Variants in ENTREP2 observed in about 807,000 individuals in gnomAD.
The protein encoded by ENTREP2 is protein ENTREP2.
the ENTREP2 span, among the ~76,000 whole-genome samples, chr15:29,279,366 T>G: frequency 6.7e-6 from 1 of 150,156 alleles, no homozygotes; most frequent in African/African-American, 2.5e-5. Context: ...AAAATTTAGT[T>G]GGGATTTTTT....
chr15:29,444,647 A>G, the ENTREP2 span, among the ~76,000 whole-genome samples: 1 of 151,962 alleles, frequency 6.6e-6, no homozygotes, highest in Non-Finnish European at 1.5e-5. Flanking sequence ...TTGTATTTTT[A>G]GTAGAGACGG....
the ENTREP2 span, among the ~76,000 whole-genome samples, chr15:29,144,045 T>C: frequency 6.6e-6 from 1 of 151,940 alleles, no homozygotes; most frequent in Non-Finnish European, 1.5e-5. Flanking sequence ...CTGGCCATGG[T>C]GTGGGAGGAG....
the ENTREP2 span, among the ~76,000 whole-genome samples, chr15:29,378,969 AGAGT>A: frequency 6.6e-6 from 1 of 152,244 alleles, no homozygotes; most frequent in Non-Finnish European, 1.5e-5. Flanking sequence ...CATGATTCAG[AGAGT>A]GAGTTTTTGC....
the ENTREP2 span, among the ~76,000 whole-genome samples, chr15:29,510,189 C>T: frequency 2.0e-5 from 3 of 152,154 alleles, no homozygotes; most frequent in Admixed American, 6.6e-5. Flanking sequence ...CAAATAAGAA[C>T]CACGATGAGA....
the ENTREP2 span, among the ~76,000 whole-genome samples, chr15:29,578,860 T>G: frequency 6.6e-6 from 1 of 152,168 alleles, no homozygotes; most frequent in African/African-American, 2.4e-5. Flanking sequence ...TGACTAGAAT[T>G]TTGTGAAAAA....
chr15:29,261,659 C>T, the ENTREP2 span, among the ~76,000 whole-genome samples: 1 of 152,128 alleles, frequency 6.6e-6, no homozygotes, highest in African/African-American at 2.4e-5. Flanking sequence ...CATTTTATCT[C>T]ACTCAAAGCA....
At chr15:29,282,099 A>G in the ENTREP2 span, among the ~76,000 whole-genome samples, 1 of 152,194 alleles carries the variant, frequency 6.6e-6, no homozygotes, top group Non-Finnish European at 1.5e-5. Flanking sequence ...CATGGACATC[A>G]TGTGATATGG....
the ENTREP2 span, among the ~76,000 whole-genome samples, chr15:29,553,350 T>C: frequency 3.0e-4 from 46 of 152,150 alleles, no homozygotes; most frequent in Non-Finnish European, 2.1e-4. Flanking sequence ...CCTAAATCAA[T>C]TCATAAATTT....
the ENTREP2 span, among the ~76,000 whole-genome samples, chr15:29,410,261 C>A: frequency 6.6e-6 from 1 of 152,206 alleles, no homozygotes; most frequent in Admixed American, 6.5e-5. Context: ...CTCCGCAAGA[C>A]AGTGTGTTTG....
At chr15:29,394,882 C>T in the ENTREP2 span, among the ~76,000 whole-genome samples, 102 of 95,828 alleles carry the variant, frequency 1.1e-3, 2 homozygotes, top group African/African-American at 5.2e-3. Flanking sequence ...GTCAGAATCT[C>T]TTTTTTTTTT....
At chr15:29,580,106 C>T in the ENTREP2 span, among the ~76,000 whole-genome samples, 63 of 152,174 alleles carry the variant, frequency 4.1e-4, no homozygotes, top group Non-Finnish European at 6.2e-4. Context: ...CTCAGCCTCC[C>T]AAAATGCGGG....
chr15:29,452,021 C>T, the ENTREP2 span, among the ~76,000 whole-genome samples: 1 of 152,250 alleles, frequency 6.6e-6, no homozygotes, highest in South Asian at 2.1e-4. Context: ...TCTAGACCAT[C>T]AAATGCCTTT....
the ENTREP2 span, chr15:29,269,846 G>A: frequency 1.2e-6 from 1 of 834,848 alleles, no homozygotes; most frequent in Non-Finnish European, 1.7e-6. Context: ...TGAAGCCTGC[G>A]CCTTGCGTCA....
chr15:29,215,573 AT>A, the ENTREP2 span, among the ~76,000 whole-genome samples: 1 of 121,184 alleles, frequency 8.3e-6, no homozygotes, highest in Non-Finnish European at 1.7e-5. Context: ...ACTCAAATAT[AT>A]ATAATATATA....
the ENTREP2 span, among the ~76,000 whole-genome samples, chr15:29,444,154 C>CACAGAAAGAA: frequency 7.3e-5 from 4 of 54,872 alleles, no homozygotes; most frequent in Admixed American, 6.5e-4. Flanking sequence ...GAAAGACAGA[C>CACAGAAAGAA]AGAAAGAAAG....
At chr15:29,132,550 T>C in the ENTREP2 span, among the ~76,000 whole-genome samples, 14 of 152,226 alleles carry the variant, frequency 9.2e-5, no homozygotes, top group Non-Finnish European at 1.8e-4. Context: ...GATCAGCCTC[T>C]GACCTTTCAG....
the ENTREP2 span, chr15:29,269,596 C>G: frequency 6.4e-7 from 1 of 1,554,062 alleles, no homozygotes. Context: ...TCTGAGAACC[C>G]GGGCGTCTTC....
the ENTREP2 span, among the ~76,000 whole-genome samples, chr15:29,211,058 A>C: frequency 6.6e-6 from 1 of 152,216 alleles, no homozygotes; most frequent in African/African-American, 2.4e-5. Flanking sequence ...TGATTAATAG[A>C]AGGGGATTGT....
chr15:29,210,889 C>T, the ENTREP2 span, among the ~76,000 whole-genome samples: 2 of 152,206 alleles, frequency 1.3e-5, no homozygotes, highest in African/African-American at 4.8e-5. Context: ...AAAGATGATA[C>T]AGCCTTCTCT....
Sources: allele counts gnomAD v4.1 joint callset (sites outside exome capture counted in the v4.1 genomes callset), GRCh38; gene constraint gnomAD v4.1.1; transcripts MANE v1.5; gene names NCBI Gene and HGNC (gene_info 2026-07-23, HGNC 2026-07-21).